Variants in DRC1 observed in about 807,000 individuals in gnomAD.
DRC1 encodes the protein dynein regulatory complex subunit 1, also known as dynein regulatory complex protein 1.
A neutral mutation model predicts 98.7 loss-of-function variants in DRC1; 74 were observed. The ratio of observed to expected loss-of-function variants is 0.75; its 90% CI spans 0.62 to 0.91. The LOEUF (loss-of-function observed/expected upper bound fraction) is 0.91. DRC1 is among the 40% of genes least tolerant of loss of function. The pLI is 0.00. For synonymous variants in DRC1, 336 were observed against 334.1 expected, an observed-to-expected ratio of 1.01 and a Z score of -0.06; for missense variants, 875 against 886.0, an observed-to-expected ratio of 0.99 and a Z score of 0.16.
rs768704103 is a variant in DRC1 at position 26,402,076 on chromosome 2, C to T, written c.87C>T (p.Ser29=). 87 of 1,613,140 alleles carry T rather than the reference C, an allele frequency of 5.4e-5. No individual in the cohort carries two copies. Among genetic ancestry groups the T allele is most frequent in the Non-Finnish European group, 7.2e-5 (85 of 1,179,750 alleles). The change falls in exon 1 of 17, where the codon TCC becomes TCT. Residue 29 remains serine, a synonymous_variant. Transcript: ENST00000288710. ...AGATTCTCGCGCCCTCGGTCCACTC[C>T]GACAACTCTCAGGAGCGCATCCAGG... ...STQILAPSVH[S]DNSQERIQAR...
intron 10 of DRC1, 184 bp from the exon 11 acceptor site, chr2:26,448,507 C>G (rs1663916800): frequency 1.4e-6 from 1 of 723,584 alleles, no homozygotes. Context: ...TTCCGACCCC[C>G]TAGCCCGCCT....
chr2:26,423,949 T>G (rs931528520), intron 3 of DRC1, among the ~76,000 whole-genome samples: 6 of 152,204 alleles, frequency 3.9e-5, no homozygotes, highest in Admixed American at 1.3e-4. Flanking sequence ...TTAACTGTTG[T>G]GTGTTATCAT....
chr2:26,414,280 A>C, intron 1 of DRC1, 64 bp from the exon 2 acceptor site: 3 of 1,571,650 alleles, frequency 1.9e-6, no homozygotes, highest in Non-Finnish European at 2.6e-6. Flanking sequence ...CCAGGCCAAA[A>C]CCTTTAAATA....
In DRC1 at chr2:26,429,675, G is replaced by A. The variant is rs1488700167; in HGVS notation, c.588G>A (p.Gln196=). 6.2e-7 allele frequency: 1 copy of A among 1,614,178 alleles called. No individual in the cohort carries two copies. Among genetic ancestry groups the A allele is most frequent in the East Asian group, 2.2e-5 (1 of 44,890 alleles). Residue 196 remains glutamine, a synonymous_variant, in exon 5 of 17, where the codon CAG becomes CAA. Transcript: ENST00000288710. ...AGTATGTGAAGGATTTGAAGAAACA[G>A]TCAGATGACATCTGCCTGCTTCTGG... The part of the protein sequence containing the change: ...DDQYVKDLKK[Q]SDDICLLLER...
intron 2 of DRC1, among the ~76,000 whole-genome samples, chr2:26,418,008 T>TGCTCCAGCTCATTTAATGA (rs575851044): frequency 2.0e-4 from 31 of 152,276 alleles, no homozygotes; most frequent in East Asian, 1.3e-3. Flanking sequence ...ATTAGTTGGA[T>TGCTCCAGCTCATTTAATGA]GCTCCAGCTC....
At chr2:26,427,367 C>A (rs1056728793) in intron 4 of DRC1, among the ~76,000 whole-genome samples, 1 of 152,114 alleles carries the variant, frequency 6.6e-6, no homozygotes, top group Non-Finnish European at 1.5e-5. Context: ...CCACCCACCT[C>A]CACCTTCCAA....
At chr2:26,424,662 A>G (rs1663238391) in intron 4 of DRC1, among the ~76,000 whole-genome samples, 1 of 152,210 alleles carries the variant, frequency 6.6e-6, no homozygotes, top group Non-Finnish European at 1.5e-5. Flanking sequence ...TAAAGTGTAT[A>G]GTTCATGGGC....
At chr2:26,406,135 T>C (rs888417778) in intron 1 of DRC1, among the ~76,000 whole-genome samples, 1 of 152,208 alleles carries the variant, frequency 6.6e-6, no homozygotes, top group East Asian at 1.9e-4. Flanking sequence ...ATATGTTATA[T>C]TGAAGCTTAC....
intron 2 of DRC1, among the ~76,000 whole-genome samples, chr2:26,418,631 TA>T (rs1304180222): frequency 2.0e-5 from 2 of 99,052 alleles, no homozygotes; most frequent in Non-Finnish European, 3.6e-5. Context: ...ATATAAATTA[TA>T]TATAATTTAT....
chr2:26,455,518 C>T (rs1248958614), intron 16 of DRC1, among the ~76,000 whole-genome samples: 2 of 152,190 alleles, frequency 1.3e-5, no homozygotes, highest in Non-Finnish European at 2.9e-5. Context: ...AGCAGTGCCA[C>T]AGCCAGGAGC....
chr2:26,421,235 A>G (rs914810750), intron 2 of DRC1, 53 bp from the exon 3 acceptor site: 3 of 1,535,628 alleles, frequency 2.0e-6, no homozygotes, highest in African/African-American at 1.4e-5. Flanking sequence ...CAGACTTTAT[A>G]TATTATTTAC....
At chr2:26,428,968 T>A (rs936218928) in intron 4 of DRC1, among the ~76,000 whole-genome samples, 5 of 152,132 alleles carry the variant, frequency 3.3e-5, no homozygotes, top group Non-Finnish European at 7.4e-5. Context: ...GTAGATATGT[T>A]CTCGTGTTGG....
chr2:26,412,995 G>A (rs1678668542), intron 1 of DRC1, among the ~76,000 whole-genome samples: 1 of 152,126 alleles, frequency 6.6e-6, no homozygotes, highest in Admixed American at 6.5e-5. Context: ...TGTTAGCCAG[G>A]GTAGTCTCGA....
chr2:26,440,044 C>A (rs534378646), intron 7 of DRC1, among the ~76,000 whole-genome samples: 1 of 147,528 alleles, frequency 6.8e-6, no homozygotes, highest in African/African-American at 2.5e-5. Context: ...ATTCACAGAG[C>A]AGATAAGTTT....
Position 26,424,338 on chromosome 2 carries a change from G to C in DRC1, c.424G>C (p.Glu142Gln). The C allele has an allele frequency of 6.2e-7, 1 of 1,613,920 alleles. No individual in the cohort carries two copies. The highest frequency in any genetic ancestry group is 8.5e-7 in the Non-Finnish European group (1 of 1,180,004). Residue 142 changes from glutamate to glutamine, a missense_variant, in exon 4 of 17, where the codon GAA becomes CAA. Coordinates refer to ENST00000288710, the MANE Select transcript of DRC1 (RefSeq NM_145038.5). The part of the protein sequence containing the change: ...DKFDEITSKW[E>Q]EGKQKRIPQE... The stretch of plus-strand genomic sequence containing the variant: ...ATTCGATGAAATCACCTCAAAGTGG[G>C]AAGAGGGCAAGCAGAAGAGAATTCC...
chr2:26,402,038 C>G lies in DRC1; in HGVS notation c.49C>G (p.His17Asp). 1.9e-6 allele frequency: 3 copies of G among 1,613,146 alleles called. No homozygotes were observed. The highest frequency in any genetic ancestry group is 2.5e-6 in the Non-Finnish European group (3 of 1,179,704). Residue 17 changes from histidine to aspartate, a missense_variant, in exon 1 of 17, where the codon CAC becomes GAC. Transcript: ENST00000288710. ...LEALDPNVDE[H>D]LSTQILAPSV... ...GGCCCTGGACCCGAACGTGGACGAG[C>G]ACTTGTCCACCCAGATTCTCGCGCC... is the stretch of plus-strand genomic sequence containing the variant.
chr2:26,428,919 G>A (rs1663356571), intron 4 of DRC1, among the ~76,000 whole-genome samples: 1 of 152,172 alleles, frequency 6.6e-6, no homozygotes, highest in Admixed American at 6.5e-5. Flanking sequence ...TGCTGTTCCA[G>A]AGTTTAGTCC....
intron 1 of DRC1, among the ~76,000 whole-genome samples, chr2:26,408,588 C>A (rs989062865): frequency 6.6e-6 from 1 of 152,154 alleles, no homozygotes; most frequent in Non-Finnish European, 1.5e-5. Flanking sequence ...GCCTGGCCAA[C>A]ATGGTAAAAC....
At chr2:26,420,451 TC>T (rs1227120297) in intron 2 of DRC1, among the ~76,000 whole-genome samples, 1 of 152,168 alleles carries the variant, frequency 6.6e-6, no homozygotes, top group Non-Finnish European at 1.5e-5. Flanking sequence ...CAACTGAGGT[TC>T]TTCGAAAGGC....
Sources: allele counts gnomAD v4.1 joint callset (sites outside exome capture counted in the v4.1 genomes callset), GRCh38; gene constraint gnomAD v4.1.1; transcripts MANE v1.5; gene names NCBI Gene and HGNC (gene_info 2026-07-23, HGNC 2026-07-21).